Variants in STX8 observed in about 807,000 individuals in gnomAD.
The protein encoded by STX8 is syntaxin-8.
STX8 carries 23 observed loss-of-function variants against 37.5 expected under a neutral mutation model. The observed-to-expected ratio is 0.61, with a 90% CI of 0.44 to 0.87. The LOEUF (loss-of-function observed/expected upper bound fraction) is 0.87, where lower values mean the gene tolerates loss of function less well. Ranked by LOEUF, STX8 falls within the 40% of genes least tolerant of loss-of-function variation. The probability of loss-of-function intolerance (pLI) is 0.00; values close to 1 mark genes in which losing one functional copy is unlikely to be tolerated. For missense variants in STX8, 313 were observed against 284.7 expected, an observed-to-expected ratio of 1.10 and a Z score of -0.71; for synonymous variants, 115 against 99.1, an observed-to-expected ratio of 1.16 and a Z score of -0.95.
intron 7 of STX8, among the ~76,000 whole-genome samples, chr17:9,288,021 T>A (rs1407589521): frequency 1.4e-5 from 2 of 138,112 alleles, no homozygotes; most frequent in Non-Finnish European, 3.0e-5. Flanking sequence ...GTGCTGGGAT[T>A]ACAGGTGTGA....
At chr17:9,481,417 G>A (rs1906338847) in intron 6 of STX8, among the ~76,000 whole-genome samples, 1 of 152,050 alleles carries the variant, frequency 6.6e-6, no homozygotes, top group South Asian at 2.1e-4. Context: ...CCTTCAAAAG[G>A]CAAACGTACT....
At chr17:9,471,190 C>T (rs1452133307) in intron 6 of STX8, among the ~76,000 whole-genome samples, 5 of 125,932 alleles carry the variant, frequency 4.0e-5, no homozygotes, top group East Asian at 2.7e-4. Context: ...CTCACTCTGT[C>T]GCCTAGGCTG....
At chr17:9,527,127 CGA>C (rs1905607464) in intron 4 of STX8, among the ~76,000 whole-genome samples, 1 of 136,380 alleles carries the variant, frequency 7.3e-6, no homozygotes, top group South Asian at 2.4e-4. Context: ...TGCAGTGAGC[CGA>C]GATTGCGCCA....
rs80106489 is a variant in STX8, at chr17:9,498,015, C to A, written c.449-6094G>T. Among the ~76,000 whole-genome samples, 19 of 152,270 alleles carry A rather than the reference C, an allele frequency of 1.2e-4. No individual in the cohort carries two copies. The East Asian group carries it at 3.7e-3, about 29-fold the overall frequency. On this transcript the variant is annotated intron_variant, in intron 5 of 7. Coordinates refer to ENST00000306357, the MANE Select transcript of STX8 (RefSeq NM_004853.3). ...TTGATGTTGTGTTGTCCAGTGCCCA[C>A]AGAGAAGCAATGAACCTTTCACATT...
chr17:9,544,944 A>G (rs1386299512), intron 4 of STX8, among the ~76,000 whole-genome samples: 1 of 152,158 alleles, frequency 6.6e-6, no homozygotes, highest in African/African-American at 2.4e-5. Flanking sequence ...GCAGAGAGCC[A>G]AGATCACGCC....
intron 7 of STX8, among the ~76,000 whole-genome samples, chr17:9,267,989 C>G (rs542979261): frequency 1.2e-5 from 1 of 81,120 alleles, no homozygotes; most frequent in Non-Finnish European, 2.4e-5. Context: ...GAAACTCTGC[C>G]TAAAAAGAAA....
chr17:9,262,964 C>T (rs1651613820), intron 7 of STX8, among the ~76,000 whole-genome samples: 1 of 152,128 alleles, frequency 6.6e-6, no homozygotes, highest in South Asian at 2.1e-4. Flanking sequence ...GCAAAAATCA[C>T]CAGTTGTGTC....
chr17:9,405,282 G>A (rs991367185), intron 6 of STX8, among the ~76,000 whole-genome samples: 3 of 152,130 alleles, frequency 2.0e-5, no homozygotes, highest in African/African-American at 7.2e-5. Context: ...TCTAGAGTCT[G>A]AATTAGAGAC....
intron 7 of STX8, among the ~76,000 whole-genome samples, chr17:9,372,518 C>A (rs9944493): frequency 6.6e-6 from 1 of 151,544 alleles, no homozygotes; most frequent in Non-Finnish European, 1.5e-5. Flanking sequence ...TGCTTTTTTG[C>A]CCAGGCTGGA....
intron 6 of STX8, among the ~76,000 whole-genome samples, chr17:9,383,100 T>C (rs1911877276): frequency 6.6e-6 from 1 of 152,194 alleles, no homozygotes; most frequent in African/African-American, 2.4e-5. Flanking sequence ...CAGCTGTCTA[T>C]GAACCAGGAA....
At chr17:9,403,147 G>A (rs1213338860) in intron 6 of STX8, among the ~76,000 whole-genome samples, 1 of 152,136 alleles carries the variant, frequency 6.6e-6, no homozygotes, top group East Asian at 1.9e-4. Flanking sequence ...AGGAATCAGG[G>A]GAGGGAGGAG....
chr17:9,344,688 C>T (rs1300469484), intron 7 of STX8, among the ~76,000 whole-genome samples: 1 of 152,142 alleles, frequency 6.6e-6, no homozygotes, highest in Non-Finnish European at 1.5e-5. Context: ...GCTTGCCTGC[C>T]CCACCCACAC....
At chr17:9,290,957 A>G (rs985775244) in intron 7 of STX8, among the ~76,000 whole-genome samples, 2 of 152,170 alleles carry the variant, frequency 1.3e-5, no homozygotes, top group Non-Finnish European at 2.9e-5. Flanking sequence ...TCAGCTTCAA[A>G]AAGGGAATGT....
At chr17:9,398,541 A>G (rs1159790415) in intron 6 of STX8, among the ~76,000 whole-genome samples, 1 of 152,218 alleles carries the variant, frequency 6.6e-6, no homozygotes, top group Non-Finnish European at 1.5e-5. Context: ...GTCAAAATTA[A>G]GAAAATATTA....
chr17:9,284,685 AT>A (rs1908014134), intron 7 of STX8, among the ~76,000 whole-genome samples: 1 of 152,244 alleles, frequency 6.6e-6, no homozygotes, highest in East Asian at 1.9e-4. Flanking sequence ...AGGGAAAAAA[AT>A]AAGTTTAAAG....
intron 7 of STX8, among the ~76,000 whole-genome samples, chr17:9,358,272 A>G (rs1910947864): frequency 6.6e-6 from 1 of 152,184 alleles, no homozygotes; most frequent in African/African-American, 2.4e-5. Context: ...CCAGGGCTCA[A>G]GTGATCCTCC....
chr17:9,382,844 G>A (rs559301978), intron 6 of STX8, among the ~76,000 whole-genome samples: 1 of 152,258 alleles, frequency 6.6e-6, no homozygotes, highest in East Asian at 1.9e-4. Context: ...AACCACAAGA[G>A]AAAGCAGAAA....
chr17:9,454,688 AAAC>A (rs1229766246), intron 6 of STX8, among the ~76,000 whole-genome samples: 4 of 149,834 alleles, frequency 2.7e-5, no homozygotes, highest in Non-Finnish European at 4.4e-5. Context: ...AAAAAAAAAA[AAAC>A]AAAAAAACTT....
At chr17:9,451,076 C>G (rs1905026157) in intron 6 of STX8, among the ~76,000 whole-genome samples, 1 of 143,626 alleles carries the variant, frequency 7.0e-6, no homozygotes, top group South Asian at 2.3e-4. Flanking sequence ...CAAACTTAAG[C>G]CCTCAAATCT....
Sources: allele counts gnomAD v4.1 joint callset (sites outside exome capture counted in the v4.1 genomes callset), GRCh38; gene constraint gnomAD v4.1.1; transcripts MANE v1.5; gene names NCBI Gene and HGNC (gene_info 2026-07-23, HGNC 2026-07-21).